Variants in TBC1D15 observed in about 807,000 individuals in gnomAD.
The protein encoded by TBC1D15 is TBC1 domain family member 15.
Under a neutral mutation model 95.4 loss-of-function variants are expected in TBC1D15, and 39 were observed. That is an observed-to-expected ratio of 0.41 (90% CI 0.32 to 0.53). The LOEUF is 0.53. TBC1D15 is among the 20% of genes least tolerant of loss of function. The pLI is 0.29. For missense variants in TBC1D15, 733 were observed against 794.3 expected (o/e 0.92, Z 0.93); for synonymous variants, 258 against 261.3 (o/e 0.99, Z 0.12).
At chr12:71,895,378 A>G (rs950114970) in intron 7 of TBC1D15, among the ~76,000 whole-genome samples, 1 of 152,076 alleles carries the variant, frequency 6.6e-6, no homozygotes, top group Non-Finnish European at 1.5e-5. Flanking sequence ...TAGTTAGAAA[A>G]CTATAAATAT....
chr12:71,893,434 A>T, intron 6 of TBC1D15, 110 bp downstream of exon 6: 1 of 549,316 alleles, frequency 1.8e-6, no homozygotes, highest in South Asian at 3.6e-5. Flanking sequence ...ATATATATAC[A>T]TAGATATGTG....
intron 11 of TBC1D15, among the ~76,000 whole-genome samples, chr12:71,909,512 G>A (rs1901650178): frequency 6.6e-6 from 1 of 152,178 alleles, no homozygotes. Context: ...TCATTGCAGG[G>A]TATGTAATGG....
At chr12:71,859,358 A>AT (rs1889868565) in intron 1 of TBC1D15, among the ~76,000 whole-genome samples, 1 of 151,608 alleles carries the variant, frequency 6.6e-6, no homozygotes, top group Non-Finnish European at 1.5e-5. Context: ...CCCTTGTTGG[A>AT]TGTATAGTTT....
chr12:71,849,885 T>C (rs1427933986), intron 1 of TBC1D15: 3 of 573,022 alleles, frequency 5.2e-6, no homozygotes, highest in Admixed American at 4.0e-5. Context: ...ATGTTTGGGG[T>C]CCACCAAAGC....
intron 14 of TBC1D15, among the ~76,000 whole-genome samples, chr12:71,919,653 A>G (rs1868479355): frequency 3.3e-5 from 5 of 152,148 alleles, no homozygotes; most frequent in Non-Finnish European, 5.9e-5. Context: ...ATCGTACTTA[A>G]ATGTTTATCA....
At position 71,893,225 on chromosome 12, in the gene TBC1D15, T is replaced by C. The variant is rs756565437; in HGVS notation, c.558T>C (p.Ser186=). ...SLEKYVVLCE[S]PQDKRTLLVN... ...CAAATCCTCTTTTTTATTATAGATC[T>C]CCACAGGATAAAAGAACACTTCTTG... The change falls in exon 6 of 17, where the codon TCT becomes TCC. Residue 186 remains serine (S), a synonymous_variant. Transcript: ENST00000485960. 8 of 1,590,356 alleles carry C rather than the reference T, an allele frequency of 5.0e-6. No homozygotes were observed. The East Asian group carries it at 1.8e-4, about 36-fold the overall frequency.
chr12:71,843,581 A>G (rs372831313), intron 1 of TBC1D15, among the ~76,000 whole-genome samples: 5 of 152,264 alleles, frequency 3.3e-5, no homozygotes, highest in East Asian at 3.9e-4. Context: ...CAAACGTTTT[A>G]GTACCTCCTA....
intron 5 of TBC1D15, among the ~76,000 whole-genome samples, chr12:71,887,883 C>T (rs1408467140): frequency 1.3e-5 from 2 of 152,226 alleles, no homozygotes; most frequent in South Asian, 2.1e-4. Flanking sequence ...AATAAATGTG[C>T]AATAAATATT....
At chr12:71,898,828 T>G (rs1898739621) in intron 10 of TBC1D15, among the ~76,000 whole-genome samples, 1 of 152,166 alleles carries the variant, frequency 6.6e-6, no homozygotes, top group Non-Finnish European at 1.5e-5. Flanking sequence ...ACAGGCTGAT[T>G]TGGTACCGTT....
At chr12:71,862,472 G>A (rs1372546526) in intron 1 of TBC1D15, among the ~76,000 whole-genome samples, 2 of 152,058 alleles carry the variant, frequency 1.3e-5, no homozygotes, top group East Asian at 3.8e-4. Context: ...TTTTAAGTCT[G>A]TTTTATCTGA....
At chr12:71,889,003 A>G (rs1896762310) in intron 5 of TBC1D15, among the ~76,000 whole-genome samples, 1 of 152,138 alleles carries the variant, frequency 6.6e-6, no homozygotes, top group Non-Finnish European at 1.5e-5. Flanking sequence ...AATAAGACAT[A>G]TGGCAATATA....
At chr12:71,849,316 GGT>G in intron 1 of TBC1D15, 1 of 1,091,848 alleles carries the variant, frequency 9.2e-7, no homozygotes, top group Non-Finnish European at 1.4e-6. Context: ...AATCTTTTTA[GGT>G]AAGGAGGCTA....
intron 1 of TBC1D15, chr12:71,861,405 G>A (rs1424406636): frequency 4.8e-6 from 7 of 1,465,066 alleles, no homozygotes; most frequent in Non-Finnish European, 5.4e-6. Flanking sequence ...TTTTTTTCAG[G>A]TTTTTGGTTT....
chr12:71,883,659 A>G (rs1895658096), intron 4 of TBC1D15, among the ~76,000 whole-genome samples: 2 of 152,152 alleles, frequency 1.3e-5, no homozygotes, highest in African/African-American at 4.8e-5. Flanking sequence ...ACTTCCTTCT[A>G]AGTAGTTTAT....
At chr12:71,903,811 C>T (rs935694800) in intron 10 of TBC1D15, among the ~76,000 whole-genome samples, 1 of 151,762 alleles carries the variant, frequency 6.6e-6, no homozygotes, top group Non-Finnish European at 1.5e-5. Flanking sequence ...ATTAAGCACA[C>T]GTGGACACAA....
chr12:71,841,565 T>C (rs970610856), intron 1 of TBC1D15, among the ~76,000 whole-genome samples: 1 of 152,238 alleles, frequency 6.6e-6, no homozygotes, highest in Non-Finnish European at 1.5e-5. Context: ...TTAAACATAC[T>C]TGGAGGCATT....
intron 8 of TBC1D15, 42 bp downstream of exon 8, chr12:71,896,117 A>G (rs1239062238): frequency 2.7e-6 from 4 of 1,506,372 alleles, no homozygotes; most frequent in Non-Finnish European, 3.6e-6. Context: ...ATAAACTCCT[A>G]GTATTTAGGG....
chr12:71,883,865 GAATA>G (rs1349439325), intron 4 of TBC1D15, among the ~76,000 whole-genome samples: 9 of 152,116 alleles, frequency 5.9e-5, no homozygotes, highest in South Asian at 2.1e-4. Flanking sequence ...TCATTAGTGA[GAATA>G]AATAGTTTTT....
chr12:71,850,298 A>G, intron 1 of TBC1D15: 1 of 481,988 alleles, frequency 2.1e-6, no homozygotes, highest in Admixed American at 2.6e-5. Context: ...CTGGGGCTAT[A>G]CTGGCTAGAG....
Sources: gnomAD v4.1 joint callset for allele counts (sites outside exome capture counted in the v4.1 genomes callset) on GRCh38, gnomAD v4.1.1 for gene constraint, MANE v1.5 for transcripts, NCBI Gene and HGNC (gene_info 2026-07-23, HGNC 2026-07-21) for gene names.